Variants in FBXO42 observed in about 807,000 individuals in gnomAD.
FBXO42 encodes the protein F-box only protein 42.
In FBXO42, 12 loss-of-function variants were observed where a neutral mutation model predicts 71.7. The ratio of observed to expected loss-of-function variants is 0.17; its 90% confidence interval spans 0.11 to 0.27. The LOEUF (loss-of-function observed/expected upper bound fraction) is 0.27. FBXO42 is among the 10% of genes least tolerant of loss of function. FBXO42 has a pLI of 1.00. For missense variants in FBXO42, 707 were observed against 911.9 expected (o/e 0.78, Z 2.89); for synonymous variants, 325 against 327.5 (o/e 0.99, Z 0.08).
At chr1:16,346,105 T>C (rs533204112) in intron 1 of FBXO42, among the ~76,000 whole-genome samples, 11 of 152,210 alleles carry the variant, frequency 7.2e-5, no homozygotes, top group African/African-American at 2.2e-4. Context: ...ATGTACAATA[T>C]AGTGATACAG....
At chr1:16,255,990 C>G (rs2100433278) in intron 5 of FBXO42, among the ~76,000 whole-genome samples, 169 bp from the exon 6 acceptor site, 1 of 152,254 alleles carries the variant, frequency 6.6e-6, no homozygotes, top group East Asian at 1.9e-4. Flanking sequence ...TACAAGTTTG[C>G]TTAAAGTTAT....
intron 4 of FBXO42, among the ~76,000 whole-genome samples, chr1:16,283,747 G>C (rs1025734593): frequency 6.6e-6 from 1 of 151,888 alleles, no homozygotes; most frequent in South Asian, 2.1e-4. Flanking sequence ...CACCTGCCTT[G>C]GCCTCCCAAA....
chr1:16,316,477 T>C (rs1199976776), intron 1 of FBXO42, among the ~76,000 whole-genome samples: 1 of 152,024 alleles, frequency 6.6e-6, no homozygotes, highest in Non-Finnish European at 1.5e-5. Context: ...GGCTCACACC[T>C]GTAGTCCCAG....
rs2081573678 is a variant in FBXO42 at position 16,249,884 on chromosome 1, G to A, written c.*786C>T. 1 of 152,190 alleles carries A rather than the reference G, an allele frequency of 6.6e-6. No homozygotes were observed. The highest frequency in any genetic ancestry group is 2.4e-5 in the African/African-American group (1 of 41,440). The allele number at this position is 152,190 out of a possible 1,614,324, so 9.4% of individuals were successfully genotyped here. On this transcript the variant is annotated 3_prime_UTR_variant, in exon 10 of 10. Coordinates refer to ENST00000375592, the MANE Select transcript of FBXO42 (RefSeq NM_018994.3). ...CCATGTTCTAAGGGAAGAAAGAGGA[G>A]AATAAATATGTTTTTTGGCAACTTG...
chr1:16,316,730 C>CAAA (rs71003274), intron 1 of FBXO42, among the ~76,000 whole-genome samples: 125 of 51,454 alleles, frequency 2.4e-3, no homozygotes, highest in East Asian at 3.1e-3. Context: ...GAAAGACTCT[C>CAAA]AAAAAAAAAA....
At chr1:16,301,405 G>C (rs1398075766) in intron 3 of FBXO42, among the ~76,000 whole-genome samples, 1 of 151,984 alleles carries the variant, frequency 6.6e-6, no homozygotes, top group Non-Finnish European at 1.5e-5. Flanking sequence ...GCTCACACCT[G>C]CAATCCCAGC....
rs767328992 is a variant in FBXO42 at position 16,251,017 on chromosome 1, G to A, written c.1807C>T (p.Arg603Cys). ...LSSGETVPIP[R>C]PGPAQGDGHS... ...CCATCTCCTTGGGCAGGCCCTGGGC[G>A]AGGGATGGGCACTGTTTCTCCACTG... Residue 603 changes from arginine to cysteine, a missense_variant, in exon 10 of 10, where the codon CGC becomes TGC. Coordinates refer to ENST00000375592, the MANE Select transcript of FBXO42 (RefSeq NM_018994.3). The surrounding 1 kb of genome is among the most constrained non-coding windows in gnomAD (Gnocchi z 4.5). 7 of 1,614,204 alleles carry A rather than the reference G, an allele frequency of 4.3e-6. No homozygotes were observed. The highest frequency in any genetic ancestry group is 5.9e-6 in the Non-Finnish European group (7 of 1,180,040).
At chr1:16,351,515 T>C (rs921939101) in intron 1 of FBXO42, among the ~76,000 whole-genome samples, 2 of 152,138 alleles carry the variant, frequency 1.3e-5, no homozygotes, top group African/African-American at 4.8e-5. Context: ...GACAAAGCAA[T>C]TGGTTATTCT....
intron 1 of FBXO42, among the ~76,000 whole-genome samples, chr1:16,339,029 C>T (rs1308011288): frequency 6.6e-6 from 1 of 151,740 alleles, no homozygotes; most frequent in Non-Finnish European, 1.5e-5. Context: ...CAGGTGGTCT[C>T]AAATTCCCAA....
chr1:16,312,309 C>A (rs2082320689), intron 2 of FBXO42, among the ~76,000 whole-genome samples: 1 of 152,016 alleles, frequency 6.6e-6, no homozygotes, highest in South Asian at 2.1e-4. Context: ...TTGCAGTGAG[C>A]CAAAATCGCA....
intron 4 of FBXO42, among the ~76,000 whole-genome samples, chr1:16,263,432 G>C (rs2081735923): frequency 1.3e-5 from 2 of 151,170 alleles, no homozygotes. Context: ...GGCAGAGCGA[G>C]ACTCCATCAG....
At chr1:16,332,697 T>C (rs960541572) in intron 1 of FBXO42, among the ~76,000 whole-genome samples, 1 of 152,070 alleles carries the variant, frequency 6.6e-6, no homozygotes, top group Non-Finnish European at 1.5e-5. Flanking sequence ...TGTGCCACCA[T>C]GCCCAGCTAA....
At chr1:16,281,501 GCT>G (rs1331283870) in intron 4 of FBXO42, among the ~76,000 whole-genome samples, 1 of 140,006 alleles carries the variant, frequency 7.1e-6, no homozygotes, top group Non-Finnish European at 1.5e-5. Context: ...ATGGAGTCTC[GCT>G]CTGTCACCCA....
chr1:16,339,803 C>T (rs1282920593), intron 1 of FBXO42, among the ~76,000 whole-genome samples: 2 of 152,108 alleles, frequency 1.3e-5, no homozygotes, highest in African/African-American at 4.8e-5. Context: ...TCATAAAAAT[C>T]ACCTGGCCAA....
At chr1:16,275,357 T>C (rs2081888972) in intron 4 of FBXO42, among the ~76,000 whole-genome samples, 2 of 152,194 alleles carry the variant, frequency 1.3e-5, no homozygotes, top group Admixed American at 1.3e-4. Context: ...ATGGCTCATG[T>C]CTGTAATCTC....
intron 2 of FBXO42, among the ~76,000 whole-genome samples, chr1:16,309,793 C>T (rs963550397): frequency 5.9e-5 from 9 of 151,798 alleles, no homozygotes; most frequent in South Asian, 2.1e-4. Context: ...ACCTGTAATC[C>T]GAGCATTTTG....
intron 3 of FBXO42, among the ~76,000 whole-genome samples, chr1:16,298,977 C>T (rs1422431352): frequency 6.6e-6 from 1 of 151,992 alleles, no homozygotes; most frequent in Non-Finnish European, 1.5e-5. Flanking sequence ...GAACACAGTG[C>T]CTGTATTTTT....
intron 1 of FBXO42, among the ~76,000 whole-genome samples, chr1:16,334,604 T>C (rs893873679): frequency 2.0e-5 from 3 of 152,132 alleles, no homozygotes; most frequent in Non-Finnish European, 2.9e-5. Flanking sequence ...TACTATTCTG[T>C]ATCAGTTTAC....
Position 16,248,535 on chromosome 1 carries a change from T to G in FBXO42, c.*2135A>C, listed in dbSNP as rs17369676. ...ACTGTAAGGTTGAGATTCTGTACTTTCAGGTTTCTAATATACTTTATATTT... is the reference window on the plus strand; with the variant it reads ...ACTGTAAGGTTGAGATTCTGTACTTGCAGGTTTCTAATATACTTTATATTT... On this transcript the variant is annotated 3_prime_UTR_variant, in exon 10 of 10. Coordinates refer to ENST00000375592, the MANE Select transcript of FBXO42 (RefSeq NM_018994.3). The G allele has an allele frequency of 6.6e-6, 1 of 152,012 alleles. No homozygotes were observed. Among genetic ancestry groups the G allele is most frequent in the Non-Finnish European group, 1.5e-5 (1 of 68,010 alleles). 9.4% of individuals were successfully genotyped at this position (152,012 alleles called of 1,614,324 possible).
Sources: gnomAD v4.1 joint callset for allele counts (sites outside exome capture counted in the v4.1 genomes callset) on GRCh38, gnomAD v4.1.1 for gene constraint, Gnocchi (gnomAD v3.1) non-coding constraint, MANE v1.5 for transcripts, NCBI Gene and HGNC (gene_info 2026-07-23, HGNC 2026-07-21) for gene names.